Variants in PLXNC1 observed in about 807,000 individuals in gnomAD.
The protein encoded by PLXNC1 is plexin C1.
Under a neutral mutation model 178.2 loss-of-function variants are expected in PLXNC1, and 75 were observed. The observed-to-expected ratio is 0.42, with a 90% CI of 0.35 to 0.51. The LOEUF is 0.51. Ranked by LOEUF, PLXNC1 falls within the 20% of genes least tolerant of loss-of-function variation. PLXNC1 has a pLI of 0.02. For missense variants in PLXNC1, 1,503 were observed against 1,984.4 expected (o/e 0.76, Z 4.61); for synonymous variants, 790 against 779.9 (o/e 1.01, Z -0.22).
At chr12:94,248,479 A>T in intron 14 of PLXNC1, 67 bp downstream of exon 14, 1 of 1,191,078 alleles carries the variant, frequency 8.4e-7, no homozygotes, top group Non-Finnish European at 1.2e-6. Flanking sequence ...TGGCTAAACC[A>T]GAGGCCAGAA....
chr12:94,207,992 T>C (rs1266122075), intron 4 of PLXNC1, among the ~76,000 whole-genome samples: 1 of 152,106 alleles, frequency 6.6e-6, no homozygotes, highest in Non-Finnish European at 1.5e-5. Flanking sequence ...GGCAGGGAGT[T>C]TTTGACAGTC....
At chr12:94,196,120 A>G (rs1179098462) in intron 4 of PLXNC1, among the ~76,000 whole-genome samples, 2 of 152,184 alleles carry the variant, frequency 1.3e-5, no homozygotes, top group South Asian at 2.1e-4. Flanking sequence ...ATTTATGGCC[A>G]TATTCTTCAG....
At position 94,150,049 on chromosome 12, in the gene PLXNC1, G is replaced by C. The variant is rs755948655; in HGVS notation, c.1062+16G>C. ...GAGCCACTGCGTAAGTCCTGCCCCCGGGGCGCCGCGGAGAGCGCTGCTGCC... is the reference window on the plus strand; with the variant it reads ...GAGCCACTGCGTAAGTCCTGCCCCCCGGGCGCCGCGGAGAGCGCTGCTGCC... On this transcript the variant is annotated intron_variant, in intron 1 of 30. Coordinates refer to ENST00000258526, the MANE Select transcript of PLXNC1 (RefSeq NM_005761.3). 24 of 1,545,662 alleles carry C rather than the reference G, an allele frequency of 1.6e-5. No individual in the cohort carries two copies. In the African/African-American group the frequency reaches 3.1e-4, roughly 20 times the overall value.
At chr12:94,161,100 C>G (rs1462958362) in intron 1 of PLXNC1, among the ~76,000 whole-genome samples, 3 of 151,276 alleles carry the variant, frequency 2.0e-5, no homozygotes, top group Non-Finnish European at 4.4e-5. Context: ...TTTTTTTCAT[C>G]CAGTTTCATG....
chr12:94,295,143 C>T (rs1234516669), intron 24 of PLXNC1, among the ~76,000 whole-genome samples: 1 of 152,232 alleles, frequency 6.6e-6, no homozygotes, highest in African/African-American at 2.4e-5. Context: ...AGACAATCAG[C>T]TCTCAGCCCT....
Position 94,264,855 on chromosome 12 carries a change from C to T in PLXNC1, c.3451-224C>T, listed in dbSNP as rs1965146837. Among the ~76,000 whole-genome samples, 5 of 152,346 alleles carry T rather than the reference C, an allele frequency of 3.3e-5. No individual in the cohort carries two copies. In the South Asian group the frequency reaches 6.2e-4, roughly 19 times the overall value. On this transcript the variant is annotated intron_variant, in intron 20 of 30. Transcript: ENST00000258526. ...TACTGCACGTCGCTGTGAATGTGCA[C>T]GCGTGCGCGTGTGCAGATGTGCATT...
intron 4 of PLXNC1, among the ~76,000 whole-genome samples, chr12:94,205,597 C>G (rs1963275658): frequency 6.6e-6 from 1 of 152,150 alleles, no homozygotes; most frequent in Non-Finnish European, 1.5e-5. Context: ...TTTCTAAGTC[C>G]AGGGCCGCCT....
At chr12:94,232,986 T>C (rs1388492786) in intron 9 of PLXNC1, among the ~76,000 whole-genome samples, 1 of 152,316 alleles carries the variant, frequency 6.6e-6, no homozygotes, top group Admixed American at 6.5e-5. Context: ...ATACTACTGA[T>C]GATATTAATA....
rs1963964091 is a variant in PLXNC1, at chr12:94,227,160, A to G, written c.1905A>G (p.Pro635=). Residue 635 remains proline (P), a synonymous_variant, in exon 9 of 31, where the codon CCA becomes CCG. Transcript: ENST00000258526. The part of the protein sequence containing the change: ...SDYERNQEQC[P]VAVEKTSGGG... Reference sequence around the variant, plus strand: ...GTTCTCCATTCCAGGAACAGTGTCCAGTGGCTGTCGAGAAGACATCAGGAG... The same window carrying G: ...GTTCTCCATTCCAGGAACAGTGTCCGGTGGCTGTCGAGAAGACATCAGGAG... 1 of 1,609,968 alleles carries G rather than the reference A, an allele frequency of 6.2e-7. No individual in the cohort carries two copies. The highest frequency in any genetic ancestry group is 8.5e-7 in the Non-Finnish European group (1 of 1,176,200).
intron 4 of PLXNC1, among the ~76,000 whole-genome samples, chr12:94,201,097 G>T (rs988020737): frequency 2.0e-5 from 3 of 152,206 alleles, no homozygotes; most frequent in Non-Finnish European, 2.9e-5. Context: ...ATGAATGAGG[G>T]TCTACTCTGA....
Position 94,297,169 on chromosome 12 carries a change from C to T in PLXNC1, c.3935-20C>T, listed in dbSNP as rs756145771. On this transcript the variant is annotated intron_variant, in intron 24 of 30. Transcript: ENST00000258526. ...TTTTTTTAATGGACTGCTTTCTCTC[C>T]CTCTTTCTCTGGCATTCAGATGTGG... The T allele has an allele frequency of 6.2e-7, 1 of 1,612,306 alleles. No homozygotes were observed. The highest frequency in any genetic ancestry group is 8.5e-7 in the Non-Finnish European group (1 of 1,178,834).
intron 1 of PLXNC1, among the ~76,000 whole-genome samples, chr12:94,154,743 A>T (rs907763940): frequency 3.3e-5 from 5 of 152,210 alleles, no homozygotes; most frequent in Non-Finnish European, 5.9e-5. Flanking sequence ...CTAGGTTTGC[A>T]TTGGTGACCA....
intron 21 of PLXNC1, among the ~76,000 whole-genome samples, chr12:94,270,333 A>G (rs559873319): frequency 3.3e-5 from 5 of 152,360 alleles, no homozygotes; most frequent in Admixed American, 2.6e-4. Flanking sequence ...TTCCTGCTAC[A>G]GTGCAGAGTG....
chr12:94,296,311 C>T, intron 24 of PLXNC1, among the ~76,000 whole-genome samples: 1 of 152,116 alleles, frequency 6.6e-6, no homozygotes, highest in South Asian at 2.1e-4. Flanking sequence ...CAGGAGTGTG[C>T]TACCATGCTC....
intron 23 of PLXNC1, among the ~76,000 whole-genome samples, chr12:94,292,471 T>A (rs1484369994): frequency 1.3e-5 from 2 of 152,212 alleles, no homozygotes; most frequent in Non-Finnish European, 2.9e-5. Flanking sequence ...TTTCAAAGCT[T>A]TTATTAAAAA....
In PLXNC1 at chr12:94,305,918, C is replaced by T. The variant is rs1968957296; in HGVS notation, c.*633C>T. ...TTTTCAGTGGTCATCAACTGCACTC[C>T]ATCAAACTCACCTCCATTTCACCAA... On this transcript the variant is annotated 3_prime_UTR_variant, in exon 31 of 31. Transcript: ENST00000258526. 1.3e-5 allele frequency: 2 copies of T among 152,032 alleles called. No homozygotes were observed. The highest frequency in any genetic ancestry group is 4.1e-4 in the South Asian group (2 of 4,822). The allele number at this position is 152,032 out of a possible 1,614,324, so 9.4% of individuals were successfully genotyped here. A position where few individuals can be genotyped will look rare whatever the true frequency, so the allele number is the denominator to read the frequency against.
At chr12:94,200,629 A>G (rs985788616) in intron 4 of PLXNC1, among the ~76,000 whole-genome samples, 2 of 152,122 alleles carry the variant, frequency 1.3e-5, no homozygotes, top group African/African-American at 4.8e-5. Context: ...CAGGGAGTAT[A>G]TGGGAGAGCA....
intron 1 of PLXNC1, among the ~76,000 whole-genome samples, chr12:94,159,848 T>C (rs956646461): frequency 2.0e-5 from 3 of 152,074 alleles, no homozygotes; most frequent in Non-Finnish European, 4.4e-5. Flanking sequence ...CCACGAGCAG[T>C]GGTGACAAAT....
intron 17 of PLXNC1, 54 bp from the exon 18 acceptor site, chr12:94,259,283 A>G: frequency 7.4e-7 from 1 of 1,350,050 alleles, no homozygotes; most frequent in South Asian, 1.3e-5. Flanking sequence ...ACAAAAATAC[A>G]CTCTTCATTT....
Sources: allele counts gnomAD v4.1 joint callset (sites outside exome capture counted in the v4.1 genomes callset), GRCh38; gene constraint gnomAD v4.1.1; transcripts MANE v1.5; gene names NCBI Gene and HGNC (gene_info 2026-07-23, HGNC 2026-07-21).